NSRP1: variants seen among roughly 807,000 people sequenced by gnomAD.
NSRP1 encodes the protein nuclear speckle splicing regulatory protein 1, also known as coiled-coil domain containing 55.
A neutral mutation model predicts 54.7 loss-of-function variants in NSRP1; 24 were observed. The ratio of observed to expected loss-of-function variants is 0.44; its 90% CI spans 0.32 to 0.62. The LOEUF (loss-of-function observed/expected upper bound fraction) is 0.62, where lower values mean the gene tolerates loss of function less well. NSRP1 is among the 20% of genes least tolerant of loss of function. NSRP1 has a pLI of 0.06. For synonymous variants in NSRP1, 210 were observed against 213.8 expected (o/e 0.98, Z 0.15); for missense variants, 596 against 651.2 (o/e 0.92, Z 0.92).
chr17:30,119,442 C>T (rs1035797383), intron 2 of NSRP1, among the ~76,000 whole-genome samples: 2 of 151,988 alleles, frequency 1.3e-5, no homozygotes, highest in African/African-American at 4.8e-5. Context: ...TGAACCTAAC[C>T]TCAGGTGATC....
chr17:30,118,611 G>C (rs1293505407), intron 2 of NSRP1, among the ~76,000 whole-genome samples: 3 of 151,912 alleles, frequency 2.0e-5, no homozygotes, highest in African/African-American at 7.3e-5. Flanking sequence ...AGTTATAATC[G>C]TGGTAGTGAA....
At chr17:30,183,206 G>A (rs1425806568) in intron 6 of NSRP1, among the ~76,000 whole-genome samples, 4 of 148,068 alleles carry the variant, frequency 2.7e-5, no homozygotes, top group African/African-American at 4.9e-5. Flanking sequence ...AGGTAAAAGA[G>A]TCTGTCCTAA....
intron 4 of NSRP1, among the ~76,000 whole-genome samples, chr17:30,178,488 C>T (rs994567014): frequency 6.6e-6 from 1 of 152,082 alleles, no homozygotes; most frequent in African/African-American, 2.4e-5. Context: ...TGTACTGTTC[C>T]TGCCCTGTGT....
At chr17:30,183,437 C>T (rs375352912) in intron 6 of NSRP1, among the ~76,000 whole-genome samples, 1 of 152,024 alleles carries the variant, frequency 6.6e-6, no homozygotes, top group Non-Finnish European at 1.5e-5. Flanking sequence ...AATTATATTA[C>T]GTTATATCTT....
At chr17:30,132,858 A>C (rs1008657630) in intron 2 of NSRP1, among the ~76,000 whole-genome samples, 8 of 152,208 alleles carry the variant, frequency 5.3e-5, no homozygotes, top group African/African-American at 1.7e-4. Context: ...TAGACTGTTG[A>C]ATTTCTTCCA....
chr17:30,139,619 C>G (rs2071784446), intron 2 of NSRP1, among the ~76,000 whole-genome samples: 1 of 151,944 alleles, frequency 6.6e-6, no homozygotes, highest in African/African-American at 2.4e-5. Context: ...TGATTTTGCT[C>G]TCCCTCTTTT....
At position 30,179,296 on chromosome 17, in the gene NSRP1, A is replaced by T; in HGVS notation, c.507A>T (p.Glu169Asp). Residue 169 changes from glutamate (E) to aspartate (D), a missense_variant and splice_region_variant, in exon 5 of 7, where the codon GAA becomes GAT. Transcript: ENST00000247026. ...GAGAAAAGAGGGCTGCTGCACTGGA[A>T]GGTAAAATGAAAGAGTGGGAAAGGC... is the stretch of plus-strand genomic sequence containing the variant. ...EEREKRAAAL[E>D]ACLDVTKQKD... is the part of the protein sequence containing the mutation. 1 of 1,560,022 alleles carries T rather than the reference A, an allele frequency of 6.4e-7. No homozygotes were observed. The highest frequency in any genetic ancestry group is 8.7e-7 in the Non-Finnish European group (1 of 1,155,130).
At chr17:30,169,692 A>G (rs1423548195) in intron 2 of NSRP1, among the ~76,000 whole-genome samples, 1 of 152,088 alleles carries the variant, frequency 6.6e-6, no homozygotes, top group African/African-American at 2.4e-5. Context: ...TGTTATCAAC[A>G]TCTTTCCCCC....
chr17:30,172,736 G>T, intron 3 of NSRP1, 138 bp downstream of exon 3: 3 of 590,672 alleles, frequency 5.1e-6, no homozygotes, highest in Admixed American at 3.4e-5. Flanking sequence ...GCTCCTTATT[G>T]CTGTGCTATA....
intron 2 of NSRP1, among the ~76,000 whole-genome samples, chr17:30,171,959 CA>C (rs1376515814): frequency 6.6e-5 from 9 of 135,982 alleles, no homozygotes; most frequent in African/African-American, 1.9e-4. Flanking sequence ...CACACACACA[CA>C]CACACACACA....
intron 2 of NSRP1, among the ~76,000 whole-genome samples, chr17:30,138,833 C>G (rs2071772989): frequency 6.7e-6 from 1 of 150,118 alleles, no homozygotes; most frequent in African/African-American, 2.4e-5. Flanking sequence ...ATCCCTAAGT[C>G]ACAGCACTGG....
At chr17:30,149,516 T>C (rs1258515040) in intron 2 of NSRP1, among the ~76,000 whole-genome samples, 1 of 152,200 alleles carries the variant, frequency 6.6e-6, no homozygotes, top group Non-Finnish European at 1.5e-5. Context: ...TTTATTCATT[T>C]ATTTAAACAA....
intron 2 of NSRP1, among the ~76,000 whole-genome samples, chr17:30,151,860 G>A (rs757772080): frequency 7.6e-6 from 1 of 131,800 alleles, no homozygotes; most frequent in East Asian, 2.5e-4. Context: ...TCAGCTCACC[G>A]CATCCTCCGC....
intron 2 of NSRP1, among the ~76,000 whole-genome samples, chr17:30,125,372 A>G (rs542778263): frequency 6.6e-6 from 1 of 152,212 alleles, no homozygotes; most frequent in African/African-American, 2.4e-5. Context: ...AGGAGCTGCT[A>G]TGAAGCCAAT....
intron 2 of NSRP1, among the ~76,000 whole-genome samples, chr17:30,132,105 G>C (rs981344769): frequency 6.7e-6 from 1 of 148,312 alleles, no homozygotes; most frequent in African/African-American, 2.5e-5. Flanking sequence ...AAAATTAGCC[G>C]GGCATGGTGG....
At chr17:30,124,280 G>A (rs558271306) in intron 2 of NSRP1, among the ~76,000 whole-genome samples, 32 of 152,232 alleles carry the variant, frequency 2.1e-4, no homozygotes, top group Middle Eastern at 3.4e-3. Context: ...AAAAGAAAAA[G>A]CGATATGAAA....
intron 2 of NSRP1, among the ~76,000 whole-genome samples, chr17:30,124,467 C>T (rs934041303): frequency 7.2e-5 from 11 of 152,222 alleles, no homozygotes; most frequent in Non-Finnish European, 1.2e-4. Flanking sequence ...TTTCTCCTTC[C>T]CTCCTGCTCT....
chr17:30,145,209 C>T (rs1301905079), intron 2 of NSRP1, among the ~76,000 whole-genome samples: 2 of 152,112 alleles, frequency 1.3e-5, no homozygotes, highest in African/African-American at 4.8e-5. Context: ...ATACATGTCC[C>T]AGTAGAAACC....
chr17:30,182,566 C>G lies in NSRP1; in HGVS notation c.617+1550C>G, dbSNP rs918877281. Among the ~76,000 whole-genome samples, 2 of 152,098 alleles carry G rather than the reference C, an allele frequency of 1.3e-5. 1 individual carries two copies. Among genetic ancestry groups the G allele is most frequent in the Admixed American group, 1.3e-4 (2 of 15,266 alleles). On this transcript the variant is annotated intron_variant, in intron 6 of 6. Coordinates refer to ENST00000247026, the MANE Select transcript of NSRP1 (RefSeq NM_032141.4). Reference sequence around the variant, plus strand: ...TTGAGGCAGGAGAATTGCTTAAACTCGGGAGGCGGAGATTGCAGTGAGCTG... The same window carrying G: ...TTGAGGCAGGAGAATTGCTTAAACTGGGGAGGCGGAGATTGCAGTGAGCTG...
Sources: gnomAD v4.1 joint callset for allele counts (sites outside exome capture counted in the v4.1 genomes callset) on GRCh38, gnomAD v4.1.1 for gene constraint, MANE v1.5 for transcripts, NCBI Gene and HGNC (gene_info 2026-07-23, HGNC 2026-07-21) for gene names.